The following PSME4 variants were observed in gnomAD, a reference collection of about 807,000 sequenced individuals.
PSME4 encodes the protein proteasome activator subunit 4, also known as proteasome activator complex subunit 4.
A neutral mutation model predicts 253.9 loss-of-function variants in PSME4; 89 were observed. The ratio of observed to expected loss-of-function variants is 0.35; its 90% CI spans 0.30 to 0.42. PSME4 has a LOEUF of 0.42. Among genes scored for constraint, PSME4 ranks in the 10% least tolerant of loss-of-function variants. The pLI is 1.00. For missense variants in PSME4, 2,014 were observed against 2,195.2 expected (o/e 0.92, Z 1.65); for synonymous variants, 851 against 759.2 (o/e 1.12, Z -1.99).
chr2:53,922,933 T>C (rs1573298046), intron 16 of PSME4, 116 bp downstream of exon 16: 4 of 892,840 alleles, frequency 4.5e-6, no homozygotes, highest in Non-Finnish European at 6.5e-6. Flanking sequence ...TTTCCCCAAA[T>C]TGCCAATCAA....
intron 1 of PSME4, among the ~76,000 whole-genome samples, chr2:53,963,622 T>C (rs1415457354): frequency 1.3e-5 from 2 of 152,190 alleles, no homozygotes; most frequent in African/African-American, 4.8e-5. Context: ...AAATGAAAGA[T>C]GTCATAATGT....
intron 43 of PSME4, among the ~76,000 whole-genome samples, chr2:53,871,484 G>C (rs984247036): frequency 6.6e-6 from 1 of 151,842 alleles, no homozygotes; most frequent in Non-Finnish European, 1.5e-5. Context: ...TCGATCTCCT[G>C]ACCTCGTGAT....
chr2:53,926,908 G>A (rs1374949762), intron 12 of PSME4, among the ~76,000 whole-genome samples: 7 of 151,846 alleles, frequency 4.6e-5, no homozygotes, highest in Middle Eastern at 3.4e-3. Context: ...AGGAGGTGGA[G>A]GTTGCAGTGA....
chr2:53,887,078 T>C (rs567454915), intron 40 of PSME4, among the ~76,000 whole-genome samples, 181 bp downstream of exon 40: 2 of 152,224 alleles, frequency 1.3e-5, no homozygotes, highest in African/African-American at 4.8e-5. Context: ...TAAATGGTGA[T>C]GATGGTTGCG....
At chr2:53,900,827 C>A (rs1332476033) in intron 28 of PSME4, among the ~76,000 whole-genome samples, 1 of 152,096 alleles carries the variant, frequency 6.6e-6, no homozygotes, top group Admixed American at 6.6e-5. Flanking sequence ...GCTGTGCTCA[C>A]CCTTCTTTTA....
chr2:53,920,509 A>G (rs1415549344), intron 18 of PSME4, among the ~76,000 whole-genome samples, 159 bp from the exon 19 acceptor site: 1 of 152,224 alleles, frequency 6.6e-6, no homozygotes, highest in Non-Finnish European at 1.5e-5. Context: ...TGAAAACAAC[A>G]TCTTACTGCC....
In PSME4 at chr2:53,940,972, T is replaced by C. The variant is rs957429184; in HGVS notation, c.501-972A>G. Among the ~76,000 whole-genome samples, 99 of 63,014 alleles carry C rather than the reference T, an allele frequency of 1.6e-3. 6 individuals are homozygous for C. The highest frequency in any genetic ancestry group is 1.8e-3 in the Non-Finnish European group (53 of 30,202). The allele number at this position is 63,014 out of a possible 152,430, so 41.3% of individuals were successfully genotyped here. A position where few individuals can be genotyped will look rare whatever the true frequency, so the allele number is the denominator to read the frequency against. Reference sequence around the variant, plus strand: ...ATATACATATATATATATATATATATATATATATATATATATATATATATA... The same window carrying C: ...ATATACATATATATATATATATATACATATATATATATATATATATATATA... On this transcript the variant is annotated intron_variant, in intron 3 of 46. Coordinates refer to ENST00000404125, the MANE Select transcript of PSME4 (RefSeq NM_014614.3).
At chr2:53,960,156 T>C (rs1046958511) in intron 1 of PSME4, among the ~76,000 whole-genome samples, 5 of 151,998 alleles carry the variant, frequency 3.3e-5, no homozygotes, top group Non-Finnish European at 7.4e-5. Flanking sequence ...TCTCAGCACT[T>C]TGGGAGGCTG....
chr2:53,953,781 G>C (rs1400723686), intron 1 of PSME4, among the ~76,000 whole-genome samples: 1 of 151,980 alleles, frequency 6.6e-6, no homozygotes, highest in African/African-American at 2.4e-5. Context: ...TTCACATTAG[G>C]TTTTAGGACT....
chr2:53,940,917 A>AATATAT (rs58243220), intron 3 of PSME4, among the ~76,000 whole-genome samples: 9 of 69,278 alleles, frequency 1.3e-4, no homozygotes, highest in South Asian at 5.1e-4. Context: ...TACATATTTA[A>AATATAT]ATATATATAT....
intron 14 of PSME4, among the ~76,000 whole-genome samples, chr2:53,924,632 T>G (rs2104454345): frequency 6.6e-6 from 1 of 152,332 alleles, no homozygotes; most frequent in South Asian, 2.1e-4. Flanking sequence ...TTCTTTTTTT[T>G]ATTTATTATA....
At chr2:53,879,013 C>T (rs1679259553) in intron 41 of PSME4, among the ~76,000 whole-genome samples, 1 of 152,196 alleles carries the variant, frequency 6.6e-6, no homozygotes, top group Non-Finnish European at 1.5e-5. Context: ...AAGGAACCTG[C>T]TGACATGGGA....
At chr2:53,894,366 G>A (rs774815128) in intron 34 of PSME4, among the ~76,000 whole-genome samples, 3 of 151,934 alleles carry the variant, frequency 2.0e-5, no homozygotes, top group South Asian at 4.1e-4. Flanking sequence ...TGCCTTCCTC[G>A]GGTCGGGTAA....
At chr2:53,939,835 G>C (rs1298414950) in intron 4 of PSME4, 121 bp downstream of exon 4, 10 of 783,990 alleles carry the variant, frequency 1.3e-5, no homozygotes, top group Non-Finnish European at 1.8e-5. Flanking sequence ...GTTGTGCTCA[G>C]TGACTAACAT....
chr2:53,893,978 T>C (rs1333737221), intron 34 of PSME4, among the ~76,000 whole-genome samples, 179 bp from the exon 35 acceptor site: 1 of 152,196 alleles, frequency 6.6e-6, no homozygotes, highest in South Asian at 2.1e-4. Flanking sequence ...CCTCTAAAAA[T>C]GCTAAAACAG....
intron 12 of PSME4, among the ~76,000 whole-genome samples, chr2:53,926,882 G>T (rs1348289719): frequency 6.6e-6 from 1 of 150,672 alleles, no homozygotes; most frequent in South Asian, 2.1e-4. Context: ...GCTGAGGCAG[G>T]AGAATTGCTT....
chr2:53,917,932 C>A (rs1277436941), intron 20 of PSME4, among the ~76,000 whole-genome samples: 2 of 152,094 alleles, frequency 1.3e-5, no homozygotes, highest in African/African-American at 4.8e-5. Flanking sequence ...CGGCAAATTC[C>A]TAAACACACT....
intron 26 of PSME4, among the ~76,000 whole-genome samples, chr2:53,905,309 C>T (rs1380183404): frequency 6.6e-6 from 1 of 151,144 alleles, no homozygotes; most frequent in Non-Finnish European, 1.5e-5. Context: ...GGATTACAGG[C>T]ATAAGCCACC....
chr2:53,960,573 T>C (rs1232723201), intron 1 of PSME4, among the ~76,000 whole-genome samples: 2 of 152,156 alleles, frequency 1.3e-5, no homozygotes, highest in Non-Finnish European at 2.9e-5. Flanking sequence ...TTTCAACCAG[T>C]AGCCAAGTAA....
Sources: allele counts gnomAD v4.1 joint callset (sites outside exome capture counted in the v4.1 genomes callset), GRCh38; gene constraint gnomAD v4.1.1; transcripts MANE v1.5; gene names NCBI Gene and HGNC (gene_info 2026-07-23, HGNC 2026-07-21).